Variants in NCKAP5 observed in about 807,000 individuals in gnomAD.
NCKAP5 encodes the protein nck-associated protein 5.
NCKAP5 carries 92 observed loss-of-function variants against 167.0 expected under a neutral mutation model. The observed-to-expected ratio is 0.55, with a 90% CI of 0.47 to 0.66. The LOEUF (loss-of-function observed/expected upper bound fraction) is 0.66. Among genes scored for constraint, NCKAP5 ranks in the 30% least tolerant of loss-of-function variants. NCKAP5 has a pLI of 0.00. For synonymous variants in NCKAP5, 891 were observed against 877.4 expected (o/e 1.02, Z -0.27); for missense variants, 2,378 against 2,315.0 (o/e 1.03, Z -0.56).
intron 5 of NCKAP5, among the ~76,000 whole-genome samples, chr2:133,177,922 A>G (rs2084541413): frequency 6.6e-6 from 1 of 152,196 alleles, no homozygotes; most frequent in African/African-American, 2.4e-5. Flanking sequence ...GATTTCATCA[A>G]TGCTGAGTGG....
the NCKAP5 span, among the ~76,000 whole-genome samples, chr2:133,637,376 C>T: frequency 2.8e-5 from 4 of 143,904 alleles, no homozygotes; most frequent in Admixed American, 7.3e-5. Context: ...ACTTTCTCAA[C>T]TTAAATTATG....
chr2:132,700,682 A>G (rs919710023), intron 19 of NCKAP5, among the ~76,000 whole-genome samples: 1 of 152,218 alleles, frequency 6.6e-6, no homozygotes, highest in Non-Finnish European at 1.5e-5. Context: ...CATTCTGTCA[A>G]TAAACATTTA....
At chr2:132,962,196 A>C (rs915015783) in intron 8 of NCKAP5, among the ~76,000 whole-genome samples, 9 of 152,212 alleles carry the variant, frequency 5.9e-5, no homozygotes, top group African/African-American at 2.2e-4. Flanking sequence ...TGCCCAGGTA[A>C]GTAGGAACAA....
chr2:133,395,773 G>C (rs1405188072), intron 3 of NCKAP5, among the ~76,000 whole-genome samples: 1 of 152,030 alleles, frequency 6.6e-6, no homozygotes. Flanking sequence ...AGCCTCCTGA[G>C]TAGTTGAGGC....
chr2:133,647,776 A>G, the NCKAP5 span, among the ~76,000 whole-genome samples: 1 of 149,976 alleles, frequency 6.7e-6, no homozygotes, highest in Non-Finnish European at 1.5e-5. Flanking sequence ...AAAAGAAAAG[A>G]AAAAAAAGAA....
the NCKAP5 span, among the ~76,000 whole-genome samples, chr2:133,628,750 C>T: frequency 1.3e-5 from 2 of 152,186 alleles, no homozygotes; most frequent in African/African-American, 4.8e-5. Context: ...TACAAGGCTA[C>T]AGTAACCAAA....
At chr2:133,497,929 C>T (rs189695980) in intron 3 of NCKAP5, among the ~76,000 whole-genome samples, 6 of 152,158 alleles carry the variant, frequency 3.9e-5, no homozygotes, top group Admixed American at 2.0e-4. Flanking sequence ...GGTAACACAA[C>T]CCGCAATGGT....
chr2:133,384,754 G>C (rs2150962561), intron 3 of NCKAP5, among the ~76,000 whole-genome samples: 1 of 152,212 alleles, frequency 6.6e-6, no homozygotes, highest in African/African-American at 2.4e-5. Flanking sequence ...TCTCCTTGAA[G>C]AGGTCCTTCA....
chr2:133,547,310 C>G (rs1015537708), intron 2 of NCKAP5, among the ~76,000 whole-genome samples: 1 of 152,196 alleles, frequency 6.6e-6, no homozygotes, highest in African/African-American at 2.4e-5. Context: ...GAGGGGCACC[C>G]GCCATTGCCC....
intron 8 of NCKAP5, among the ~76,000 whole-genome samples, chr2:132,934,970 C>T (rs1245119899): frequency 6.6e-6 from 1 of 152,180 alleles, no homozygotes; most frequent in African/African-American, 2.4e-5. Context: ...GTTATGTTAT[C>T]CCCTTTGTCA....
chr2:133,295,670 C>T (rs1679908908), intron 4 of NCKAP5, among the ~76,000 whole-genome samples: 1 of 152,122 alleles, frequency 6.6e-6, no homozygotes, highest in Non-Finnish European at 1.5e-5. Context: ...GTTGTCACAA[C>T]TGAGGGATAC....
intron 3 of NCKAP5, among the ~76,000 whole-genome samples, chr2:133,420,748 G>T (rs182980708): frequency 1.3e-5 from 2 of 152,040 alleles, no homozygotes; most frequent in Non-Finnish European, 2.9e-5. Flanking sequence ...ACAGCAAACC[G>T]CCAGGAGGTT....
intron 3 of NCKAP5, among the ~76,000 whole-genome samples, chr2:133,317,646 C>T (rs533323680): frequency 1.3e-5 from 2 of 152,308 alleles, no homozygotes; most frequent in East Asian, 3.9e-4. Flanking sequence ...GCCCTGCATC[C>T]TTCGCCAGCT....
the NCKAP5 span, among the ~76,000 whole-genome samples, chr2:133,620,929 A>G: frequency 6.6e-6 from 1 of 152,150 alleles, no homozygotes; most frequent in Admixed American, 6.5e-5. Context: ...ACTCTCTCAG[A>G]CCACAGTGGA....
At chr2:133,567,593 A>C (rs1688641783) in intron 1 of NCKAP5, among the ~76,000 whole-genome samples, 1 of 151,936 alleles carries the variant, frequency 6.6e-6, no homozygotes, top group Non-Finnish European at 1.5e-5. Context: ...AAAGAATCCA[A>C]ATAGAAACAG....
intron 3 of NCKAP5, among the ~76,000 whole-genome samples, chr2:133,492,072 C>T (rs1366010376): frequency 6.6e-6 from 1 of 151,950 alleles, no homozygotes; most frequent in Non-Finnish European, 1.5e-5. Flanking sequence ...AGCATGCTTG[C>T]TCCCATCTCT....
At chr2:133,469,358 T>C (rs1015854571) in intron 3 of NCKAP5, among the ~76,000 whole-genome samples, 1 of 152,116 alleles carries the variant, frequency 6.6e-6, no homozygotes, top group African/African-American at 2.4e-5. Context: ...TTCTGGCTTG[T>C]AGGGTTTCTG....
At chr2:132,723,199 G>T (rs1358192374) in intron 19 of NCKAP5, among the ~76,000 whole-genome samples, 1 of 140,832 alleles carries the variant, frequency 7.1e-6, no homozygotes, top group Non-Finnish European at 1.5e-5. Flanking sequence ...AGGCTGGAGT[G>T]CAGTGGCATG....
intron 3 of NCKAP5, among the ~76,000 whole-genome samples, chr2:133,482,865 C>A (rs776639556): frequency 2.0e-5 from 3 of 151,960 alleles, no homozygotes; most frequent in African/African-American, 7.2e-5. Context: ...TCATTGAAAT[C>A]GTTGTCTTTT....
Sources: allele counts gnomAD v4.1 joint callset (sites outside exome capture counted in the v4.1 genomes callset), GRCh38; gene constraint gnomAD v4.1.1; transcripts MANE v1.5; gene names NCBI Gene and HGNC (gene_info 2026-07-23, HGNC 2026-07-21).